Variants in CHSY3 observed in about 807,000 individuals in gnomAD.
CHSY3 encodes chondroitin sulfate synthase 3, also known as N-acetylgalactosaminyl-proteoglycan 3-beta-glucuronosyltransferase 3.
CHSY3 carries 35 observed loss-of-function variants against 67.2 expected under a neutral mutation model. The ratio of observed to expected loss-of-function variants is 0.52; its 90% CI spans 0.40 to 0.69. The LOEUF is 0.69. Ranked by LOEUF, CHSY3 falls within the 30% of genes least tolerant of loss-of-function variation. The pLI is 0.00. For missense variants in CHSY3, 1,069 were observed against 1,138.5 expected, an observed-to-expected ratio of 0.94 and a Z score of 0.88; for synonymous variants, 474 against 434.7, an observed-to-expected ratio of 1.09 and a Z score of -1.12.
intron 2 of CHSY3, among the ~76,000 whole-genome samples, chr5:130,143,681 C>A (rs1288395517): frequency 7.0e-6 from 1 of 143,334 alleles, no homozygotes. Context: ...ATTTGACATA[C>A]CAAGGAGTAG....
intron 2 of CHSY3, among the ~76,000 whole-genome samples, chr5:130,004,905 A>G (rs959852406): frequency 1.3e-5 from 2 of 152,164 alleles, no homozygotes; most frequent in Admixed American, 6.5e-5. Context: ...TTTTTGTTAT[A>G]TAAATAACTT....
intron 2 of CHSY3, among the ~76,000 whole-genome samples, chr5:129,956,551 G>C (rs549270574): frequency 6.6e-6 from 1 of 152,010 alleles, no homozygotes; most frequent in Non-Finnish European, 1.5e-5. Flanking sequence ...AGAAGCTCTT[G>C]TGTTTAATAA....
rs1433405052 is a variant in CHSY3 at position 130,143,756 on chromosome 5, A to ATATATATATATATG, written c.1087-40472_1087-40471insATATATATATATGT. ...TGTGTATATATATATATATATATAT[A>ATATATATATATATG]TGTGTGTGTGTGTATATATATATAT... On this transcript the variant is annotated intron_variant, in intron 2 of 2. Coordinates refer to ENST00000305031, the MANE Select transcript of CHSY3 (RefSeq NM_175856.5). Among the ~76,000 whole-genome samples, 32 of 101,934 alleles carry ATATATATATATATG rather than the reference A, an allele frequency of 3.1e-4. 2 individuals are homozygous for ATATATATATATATG. Among genetic ancestry groups the ATATATATATATATG allele is most frequent in the African/African-American group, 1.0e-3 (21 of 20,952 alleles). 66.9% of individuals were successfully genotyped at this position (101,934 alleles called of 152,430 possible).
chr5:129,987,749 A>C (rs868533579), intron 2 of CHSY3, among the ~76,000 whole-genome samples: 1 of 152,224 alleles, frequency 6.6e-6, no homozygotes, highest in African/African-American at 2.4e-5. Flanking sequence ...AATTTAATAA[A>C]ATAATAGCTG....
At chr5:130,167,270 C>T (rs1769775174) in intron 2 of CHSY3, among the ~76,000 whole-genome samples, 1 of 151,918 alleles carries the variant, frequency 6.6e-6, no homozygotes, top group South Asian at 2.1e-4. Flanking sequence ...ATGATCAGGC[C>T]TTCCGTGTTT....
At chr5:130,021,346 G>A (rs1465711981) in intron 2 of CHSY3, among the ~76,000 whole-genome samples, 1 of 152,036 alleles carries the variant, frequency 6.6e-6, no homozygotes, top group African/African-American at 2.4e-5. Flanking sequence ...TACCTAACCA[G>A]CATATTGGAG....
intron 2 of CHSY3, among the ~76,000 whole-genome samples, chr5:129,985,974 G>A (rs778803596): frequency 1.3e-4 from 19 of 151,906 alleles, no homozygotes; most frequent in African/African-American, 1.7e-4. Context: ...TATTATCTGC[G>A]AAGAGAGATG....
At chr5:130,134,116 T>A (rs1318252499) in intron 2 of CHSY3, among the ~76,000 whole-genome samples, 2 of 152,198 alleles carry the variant, frequency 1.3e-5, no homozygotes, top group Non-Finnish European at 2.9e-5. Flanking sequence ...CTTACAGAAG[T>A]GATGTTGCTT....
chr5:130,178,415 G>C (rs1770144781), intron 2 of CHSY3, among the ~76,000 whole-genome samples: 1 of 150,910 alleles, frequency 6.6e-6, no homozygotes, highest in Admixed American at 6.6e-5. Context: ...ACCACGCCTG[G>C]CTAATTTTTT....
At chr5:129,936,305 A>T (rs1761487185) in intron 2 of CHSY3, among the ~76,000 whole-genome samples, 1 of 152,198 alleles carries the variant, frequency 6.6e-6, no homozygotes, top group Admixed American at 6.5e-5. Flanking sequence ...GTTAATTTAT[A>T]TAGAAGGGAA....
chr5:129,997,648 C>T (rs1763582376), intron 2 of CHSY3, among the ~76,000 whole-genome samples: 1 of 152,012 alleles, frequency 6.6e-6, no homozygotes, highest in African/African-American at 2.4e-5. Flanking sequence ...CTAATGCTAT[C>T]CCTCCCTCAG....
At chr5:130,087,014 C>A (rs970712725) in intron 2 of CHSY3, among the ~76,000 whole-genome samples, 14 of 152,080 alleles carry the variant, frequency 9.2e-5, no homozygotes, top group Admixed American at 9.2e-4. Context: ...AAAAGCTTAT[C>A]CACCATGATC....
In CHSY3 at chr5:129,904,720, C is replaced by G. The variant is rs1465514047; in HGVS notation, c.-110C>G. The G allele has an allele frequency of 1.6e-6, 2 of 1,224,800 alleles. No individual in the cohort carries two copies. The highest frequency in any genetic ancestry group is 3.1e-5 in the African/African-American group (2 of 63,852). 75.9% of individuals were successfully genotyped at this position (1,224,800 alleles called of 1,614,324 possible). On this transcript the variant is annotated 5_prime_UTR_variant, in exon 1 of 3. Coordinates refer to ENST00000305031, the MANE Select transcript of CHSY3 (RefSeq NM_175856.5). ...CCGGTGTCGGCGCCTAGGCGGCCGG[C>G]TGCGGCCGCGGCTGGGGGCGCAAAG...
chr5:130,090,821 T>A lies in CHSY3; in HGVS notation c.1087-93408T>A, dbSNP rs977198251. 6.6e-5 allele frequency among the ~76,000 whole-genome samples: 10 copies of A among 152,302 alleles called. No homozygotes were observed. The Middle Eastern group carries it at 0.01, about 155-fold the overall frequency. ...TTACATAATGTGAAGTGCCTCCTCT[T>A]CTCAGATTAATACTTCCCAACACAG... On this transcript the variant is annotated intron_variant, in intron 2 of 2. Coordinates refer to ENST00000305031, the MANE Select transcript of CHSY3 (RefSeq NM_175856.5).
At chr5:130,036,997 A>G (rs887586472) in intron 2 of CHSY3, among the ~76,000 whole-genome samples, 2 of 152,130 alleles carry the variant, frequency 1.3e-5, no homozygotes, top group Admixed American at 1.3e-4. Flanking sequence ...CTCATGTGGC[A>G]TGTAGATCCT....
intron 2 of CHSY3, among the ~76,000 whole-genome samples, chr5:129,931,088 T>C (rs1258737980): frequency 6.6e-6 from 1 of 152,142 alleles, no homozygotes; most frequent in Admixed American, 6.5e-5. Flanking sequence ...TTTTGAATAA[T>C]GCACCGAAAA....
At chr5:130,087,056 T>G (rs966130449) in intron 2 of CHSY3, among the ~76,000 whole-genome samples, 10 of 152,150 alleles carry the variant, frequency 6.6e-5, no homozygotes, top group South Asian at 2.1e-4. Context: ...TGCAAGGCTG[T>G]TTCAATATAT....
chr5:130,033,277 T>G (rs1561506488), intron 2 of CHSY3, among the ~76,000 whole-genome samples: 1 of 152,192 alleles, frequency 6.6e-6, no homozygotes, highest in Non-Finnish European at 1.5e-5. Flanking sequence ...TGGATTTTCT[T>G]CAATTATTTT....
intron 2 of CHSY3, among the ~76,000 whole-genome samples, chr5:130,122,273 T>C (rs530920035): frequency 1.3e-5 from 2 of 152,218 alleles, no homozygotes; most frequent in Non-Finnish European, 2.9e-5. Context: ...TGTCTTTATA[T>C]AATTATTAGA....
Sources: gnomAD v4.1 joint callset for allele counts (sites outside exome capture counted in the v4.1 genomes callset) on GRCh38, gnomAD v4.1.1 for gene constraint, MANE v1.5 for transcripts, NCBI Gene and HGNC (gene_info 2026-07-23, HGNC 2026-07-21) for gene names.